The following MGMT variants were observed in gnomAD, a reference collection of about 807,000 sequenced individuals.
MGMT encodes the protein O-6-methylguanine-DNA methyltransferase, also known as methylated-DNA--protein-cysteine methyltransferase.
Under a neutral mutation model 15.9 loss-of-function variants are expected in MGMT, and 14 were observed. The observed-to-expected ratio is 0.88, with a 90% CI of 0.58 to 1.37. MGMT has a LOEUF of 1.37. Among genes scored for constraint, MGMT ranks in the 40% most tolerant of loss-of-function variants. The probability of loss-of-function intolerance (pLI) is 0.00; values close to 1 mark genes in which losing one functional copy is unlikely to be tolerated. For missense variants in MGMT, 282 were observed against 268.1 expected, an observed-to-expected ratio of 1.05 and a Z score of -0.36; for synonymous variants, 130 against 118.2, an observed-to-expected ratio of 1.10 and a Z score of -0.65.
chr10:129,626,244 G>A (rs1373613710), intron 2 of MGMT, among the ~76,000 whole-genome samples: 2 of 152,190 alleles, frequency 1.3e-5, no homozygotes, highest in South Asian at 2.1e-4. Context: ...AGAATAGTCC[G>A]TGCTCCAGGT....
At chr10:129,495,117 A>G (rs1039798910) in intron 1 of MGMT, among the ~76,000 whole-genome samples, 2 of 152,208 alleles carry the variant, frequency 1.3e-5, no homozygotes, top group African/African-American at 2.4e-5. Context: ...GTTAAACCAG[A>G]TTGTGAATTT....
intron 2 of MGMT, among the ~76,000 whole-genome samples, chr10:129,584,439 G>GTTTT (rs143383713): frequency 6.0e-5 from 9 of 149,264 alleles, no homozygotes; most frequent in Non-Finnish European, 8.9e-5. Context: ...GGCTTAATTT[G>GTTTT]TTTTTTTTTT....
At chr10:129,685,495 C>T (rs1287726714) in intron 2 of MGMT, among the ~76,000 whole-genome samples, 4 of 152,208 alleles carry the variant, frequency 2.6e-5, no homozygotes, top group Admixed American at 1.3e-4. Flanking sequence ...CTCCCCGAGC[C>T]GTGGAGGTGA....
chr10:129,695,884 T>C (rs1848025527), intron 2 of MGMT, among the ~76,000 whole-genome samples: 1 of 152,192 alleles, frequency 6.6e-6, no homozygotes, highest in Admixed American at 6.5e-5. Flanking sequence ...GGCACTTTGC[T>C]CTTCCGGTGG....
chr10:129,660,340 T>G (rs1365214415), intron 2 of MGMT, among the ~76,000 whole-genome samples: 1 of 152,104 alleles, frequency 6.6e-6, no homozygotes. Context: ...GGGGTTCTAG[T>G]TGGAAGGCGT....
chr10:129,639,986 A>G (rs1256117785), intron 2 of MGMT, among the ~76,000 whole-genome samples: 3 of 151,806 alleles, frequency 2.0e-5, no homozygotes, highest in Admixed American at 6.6e-5. Flanking sequence ...TATATTAACA[A>G]TGTTATGATG....
At chr10:129,745,531 G>A (rs969219236) in intron 3 of MGMT, among the ~76,000 whole-genome samples, 4 of 152,182 alleles carry the variant, frequency 2.6e-5, no homozygotes, top group African/African-American at 9.7e-5. Flanking sequence ...TTTTCACTCA[G>A]GTTAATGCCT....
intron 3 of MGMT, among the ~76,000 whole-genome samples, chr10:129,719,189 A>G (rs904954142): frequency 6.7e-6 from 1 of 149,750 alleles, no homozygotes; most frequent in Non-Finnish European, 1.5e-5. Context: ...CTGCTCAGGC[A>G]TGTCACCTTC....
At chr10:129,486,165 C>CTCT (rs1845406796) in intron 1 of MGMT, among the ~76,000 whole-genome samples, 2 of 140,150 alleles carry the variant, frequency 1.4e-5, no homozygotes, top group African/African-American at 5.3e-5. Flanking sequence ...CTTCTCTGTT[C>CTCT]TCTTCTCTTC....
chr10:129,729,685 A>G (rs1001995253), intron 3 of MGMT, among the ~76,000 whole-genome samples: 1 of 152,230 alleles, frequency 6.6e-6, no homozygotes, highest in African/African-American at 2.4e-5. Context: ...CTCTGTCAGT[A>G]ATGATATGCC....
chr10:129,646,529 C>A (rs1847390571), intron 2 of MGMT, among the ~76,000 whole-genome samples: 1 of 151,500 alleles, frequency 6.6e-6, no homozygotes, highest in South Asian at 2.1e-4. Flanking sequence ...TCTCAAAGAT[C>A]TTGGAAAATT....
chr10:129,729,800 G>A (rs919073486), intron 3 of MGMT, among the ~76,000 whole-genome samples: 8 of 152,158 alleles, frequency 5.3e-5, no homozygotes, highest in Non-Finnish European at 7.3e-5. Context: ...AACTAATGGC[G>A]GCAGCAGCAC....
In MGMT at chr10:129,766,815, G is replaced by T; in HGVS notation, c.442G>T (p.Val148Leu). 1 of 1,613,396 alleles carries T rather than the reference G, an allele frequency of 6.2e-7. No homozygotes were observed. The highest frequency in any genetic ancestry group is 8.5e-7 in the Non-Finnish European group (1 of 1,179,994). Residue 148 changes from valine (V) to leucine (L), a missense_variant, in exon 5 of 5, where the codon GTG becomes TTG. Physicochemically the swap from Val to Leu is conservative, Grantham distance 32. Transcript: ENST00000651593. ...PVPILIPCHR[V>L]VCSSGAVGNY... ...CCCCATCCTCATCCCGTGCCACAGA[G>T]TGGTCTGCAGCAGCGGAGCCGTGGG...
chr10:129,560,465 GTTTC>G (rs1467196792), intron 2 of MGMT, among the ~76,000 whole-genome samples: 4 of 152,156 alleles, frequency 2.6e-5, no homozygotes, highest in African/African-American at 7.2e-5. Context: ...TATTGGTAAG[GTTTC>G]TTTAAGTCTC....
intron 2 of MGMT, among the ~76,000 whole-genome samples, chr10:129,561,848 A>G (rs1311581243): frequency 6.6e-6 from 1 of 152,200 alleles, no homozygotes; most frequent in Non-Finnish European, 1.5e-5. Flanking sequence ...TTCCTCCATT[A>G]GAAGCACTGC....
chr10:129,595,957 A>G (rs922221079), intron 2 of MGMT, among the ~76,000 whole-genome samples: 1 of 152,146 alleles, frequency 6.6e-6, no homozygotes, highest in African/African-American at 2.4e-5. Flanking sequence ...ATCACGTAAG[A>G]CATACCTGTT....
chr10:129,554,391 T>A (rs542770289), intron 2 of MGMT, among the ~76,000 whole-genome samples: 32 of 152,378 alleles, frequency 2.1e-4, no homozygotes, highest in African/African-American at 7.5e-4. Flanking sequence ...TAATTTTATA[T>A]CTTAAGCATT....
At chr10:129,496,959 C>G (rs1845527880) in intron 1 of MGMT, among the ~76,000 whole-genome samples, 1 of 152,086 alleles carries the variant, frequency 6.6e-6, no homozygotes, top group African/African-American at 2.4e-5. Context: ...TCCCAAAGTG[C>G]TGGGGTTACA....
chr10:129,468,309 G>T (rs1046647521), intron 1 of MGMT, among the ~76,000 whole-genome samples: 1 of 152,130 alleles, frequency 6.6e-6, no homozygotes, highest in Non-Finnish European at 1.5e-5. Flanking sequence ...TGGTGGGTGG[G>T]GGTGTGAAAA....
Sources: gnomAD v4.1 joint callset for allele counts (sites outside exome capture counted in the v4.1 genomes callset) on GRCh38, gnomAD v4.1.1 for gene constraint, MANE v1.5 for transcripts, NCBI Gene and HGNC (gene_info 2026-07-23, HGNC 2026-07-21) for gene names.